Variants in DLL1 observed in about 807,000 individuals in gnomAD.
DLL1 encodes delta-like protein 1.
In DLL1, 9 loss-of-function variants were observed where a neutral mutation model predicts 75.1. The observed-to-expected ratio is 0.12, with a 90% confidence interval of 0.07 to 0.21. The LOEUF (loss-of-function observed/expected upper bound fraction) is 0.21. DLL1 is among the 10% of genes least tolerant of loss of function. DLL1 has a pLI of 1.00. For synonymous variants in DLL1, 477 were observed against 418.3 expected, an observed-to-expected ratio of 1.14 and a Z score of -1.71; for missense variants, 837 against 1,007.6, an observed-to-expected ratio of 0.83 and a Z score of 2.29.
Position 170,283,336 on chromosome 6 carries a change from T to A in DLL1, c.1943A>T (p.Lys648Met), listed in dbSNP as rs1436745182. 6.2e-7 allele frequency: 1 copy of A among 1,613,030 alleles called. No homozygotes were observed. The change falls in exon 9 of 11, where the codon AAG becomes ATG. Residue 648 changes from lysine (K) to methionine (M), a missense_variant. Coordinates refer to ENST00000366756, the MANE Select transcript of DLL1 (RefSeq NM_005618.4). ...GTCCCTGACGGCGGTGTCGTCACCC[T>A]TGAGGTCCTGCACGAGGTTATAGTC... ...AVDYNLVQDL[K>M]GDDTAVRDAH... is the part of the protein sequence containing the mutation.
chr6:170,288,578 A>C, intron 3 of DLL1, 82 bp from the exon 4 acceptor site: 1 of 1,613,030 alleles, frequency 6.2e-7, no homozygotes, highest in East Asian at 2.2e-5. Flanking sequence ...CGAGACATTC[A>C]GCACGGGAAG....
rs1783837006 is a variant in DLL1, at chr6:170,290,512, GAGAA to G, written c.-377_-374del. On this transcript the variant is annotated 5_prime_UTR_variant, in exon 1 of 11. Coordinates refer to ENST00000366756, the MANE Select transcript of DLL1 (RefSeq NM_005618.4). This position sits in a 1 kb window ranked among gnomAD's most constrained non-coding sequence, Gnocchi z 4.7. Reference sequence around the variant, plus strand: ...TTCGCAGGAGAGGGAGGGGGAGAAAGAGAAAGAGAGAGAGTCCAGAGATTGAGCT... The same window carrying G: ...TTCGCAGGAGAGGGAGGGGGAGAAAGAGAGAGAGAGTCCAGAGATTGAGCT... 3.7e-6 allele frequency: 1 copy of G among 270,270 alleles called. No individual in the cohort carries two copies. The highest frequency in any genetic ancestry group is 5.6e-5 in the Admixed American group (1 of 18,004). 16.7% of individuals were successfully genotyped at this position (270,270 alleles called of 1,614,324 possible).
At chr6:170,289,038 T>A (rs1321318893) in intron 2 of DLL1, 1 of 608,062 alleles carries the variant, frequency 1.6e-6, no homozygotes, top group East Asian at 2.8e-5. Context: ...TATTACGTTG[T>A]TTTTTTAATT....
chr6:170,289,905 T>G, intron 1 of DLL1, 97 bp from the exon 2 acceptor site: 6 of 1,377,856 alleles, frequency 4.4e-6, no homozygotes, highest in Non-Finnish European at 4.8e-6. Flanking sequence ...CTGGAAGGGC[T>G]CAGGGGCCGA....
intron 10 of DLL1, 36 bp downstream of exon 10, chr6:170,282,952 G>C (rs778908045): frequency 6.2e-7 from 1 of 1,614,078 alleles, no homozygotes; most frequent in South Asian, 1.1e-5. Context: ...GTGCTCCCAT[G>C]CCGAGGAGGA....
At chr6:170,284,834 G>A in intron 8 of DLL1, 85 bp downstream of exon 8, 2 of 1,330,894 alleles carry the variant, frequency 1.5e-6, no homozygotes, top group Non-Finnish European at 2.2e-6. Flanking sequence ...TAAACTCGAG[G>A]TCACTCACAA....
chr6:170,283,328 C>T lies in DLL1; in HGVS notation c.1951G>A (p.Asp651Asn), dbSNP rs767441798. Residue 651 changes from aspartate (D) to asparagine (N), a missense_variant, in exon 9 of 11, where the codon GAC (aspartate) becomes AAC (asparagine). Asp to Asn is a conservative substitution (Grantham distance 23, BLOSUM62 1). Coordinates refer to ENST00000366756, the MANE Select transcript of DLL1 (RefSeq NM_005618.4). ...YNLVQDLKGDDTAVRDAHSKR... is the reference protein window; with the variant it reads ...YNLVQDLKGDNTAVRDAHSKR... ...CTGTGCGCGTCCCTGACGGCGGTGT[C>T]GTCACCCTTGAGGTCCTGCACGAGG... The T allele has an allele frequency of 6.8e-6, 11 of 1,612,916 alleles. No individual in the cohort carries two copies. The highest frequency in any genetic ancestry group is 4.0e-5 in the African/African-American group (3 of 74,932).
chr6:170,283,869 C>T lies in DLL1; in HGVS notation c.1410G>A (p.Pro470=), dbSNP rs529134000. 13 of 1,605,964 alleles carry T rather than the reference C, an allele frequency of 8.1e-6. No individual in the cohort carries two copies. In the East Asian group the frequency reaches 1.3e-4, roughly 17 times the overall value. Residue 470 remains proline (P), a synonymous_variant, in exon 9 of 11, where the codon CCG becomes CCA. Transcript: ENST00000366756. ...DGVNDFSCTC[P]PGYTGRNCSA... ...TGCAGTTCCTGCCCGTGTAGCCAGG[C>T]GGGCAGGTGCAGGAGAAGTCGTTCA...
chr6:170,289,283 C>G, intron 2 of DLL1: 1 of 160,826 alleles, frequency 6.2e-6, no homozygotes, highest in South Asian at 5.4e-5. Context: ...CTCGGCCTCT[C>G]CTCCTCGCCC....
intron 4 of DLL1, 156 bp downstream of exon 4, chr6:170,288,083 G>C: frequency 8.8e-7 from 1 of 1,139,432 alleles, no homozygotes; most frequent in Non-Finnish European, 1.3e-6. Flanking sequence ...CTGACGAGCT[G>C]TGACTTATAG....
In DLL1 at chr6:170,283,443, G is replaced by C. The variant is rs748525775; in HGVS notation, c.1836C>G (p.Ile612Met). 6 of 1,612,124 alleles carry C rather than the reference G, an allele frequency of 3.7e-6. No individual in the cohort carries two copies. The highest frequency in any genetic ancestry group is 4.2e-6 in the Non-Finnish European group (5 of 1,180,034). The part of the protein sequence containing the change: ...ISVSIIGATQ[I>M]KNTNKKADFH... ...AGTCCGCCTTCTTGTTGGTGTTCTT[G>C]ATCTGCGTGGCCCCGATGATGCTGA... The change falls in exon 9 of 11, where the codon ATC becomes ATG. Residue 612 changes from isoleucine to methionine, a missense_variant. Ile to Met is a conservative substitution (Grantham distance 10). Transcript: ENST00000366756.
chr6:170,285,685 C>A lies in DLL1; in HGVS notation c.746G>T (p.Trp249Leu). The A allele has an allele frequency of 6.2e-7, 1 of 1,614,150 alleles. No individual in the cohort carries two copies. Among genetic ancestry groups the A allele is most frequent in the Non-Finnish European group, 8.5e-7 (1 of 1,180,046 alleles). ...KPGECKCRVG[W>L]QGRYCDECIR... The stretch of plus-strand genomic sequence containing the variant: ...ACACTCGTCACAGTACCGGCCCTGC[C>A]AGCCCACTCTGCACCTTGGAGAAAA... Residue 249 changes from tryptophan to leucine, a missense_variant, in exon 6 of 11, where the codon TGG becomes TTG. Physicochemically the swap from Trp to Leu is moderately conservative, Grantham distance 61 (BLOSUM62 -2). Transcript: ENST00000366756.
At chr6:170,286,528 G>A (rs868854184) in intron 4 of DLL1, among the ~76,000 whole-genome samples, 1 of 152,106 alleles carries the variant, frequency 6.6e-6, no homozygotes, top group Non-Finnish European at 1.5e-5. Flanking sequence ...AAGGGCTCTC[G>A]GAAGCCCCCA....
chr6:170,289,288 TC>T, intron 2 of DLL1: 1 of 679,620 alleles, frequency 1.5e-6, no homozygotes, highest in Non-Finnish European at 2.5e-6. Flanking sequence ...CCTCTCCTCC[TC>T]GCCCCAGCGC....
chr6:170,286,221 A>G lies in DLL1; in HGVS notation c.731+17T>C, dbSNP rs763148200. 4.4e-5 allele frequency: 71 copies of G among 1,614,118 alleles called. No individual in the cohort carries two copies. In the Middle Eastern group the frequency reaches 4.9e-4, roughly 11 times the overall value. Reference sequence around the variant, plus strand: ...AGAAAAGGCAACAAAACAAAACACCACCTTGTGCAGACTTACTTGCATTCC... The same window carrying G: ...AGAAAAGGCAACAAAACAAAACACCGCCTTGTGCAGACTTACTTGCATTCC... On this transcript the variant is annotated intron_variant, in intron 5 of 10. Coordinates refer to ENST00000366756, the MANE Select transcript of DLL1 (RefSeq NM_005618.4).
chr6:170,289,599 G>C lies in DLL1; in HGVS notation c.264C>G (p.Gly88=). 1 of 1,536,094 alleles carries C rather than the reference G, an allele frequency of 6.5e-7. No homozygotes were observed. The highest frequency in any genetic ancestry group is 8.7e-7 in the Non-Finnish European group (1 of 1,146,476). Residue 88 remains glycine, a synonymous_variant, in exon 2 of 11, where the codon GGC becomes GGG. Coordinates refer to ENST00000366756, the MANE Select transcript of DLL1 (RefSeq NM_005618.4). ...TYGSAVTPVL[G]VDSFSLPDGG... ...CGTCGGGCAGACTGAAGGAGTCGACGCCCAGCACGGGGGTGACGGCGCTGC... is the reference window on the plus strand; with the variant it reads ...CGTCGGGCAGACTGAAGGAGTCGACCCCCAGCACGGGGGTGACGGCGCTGC...
In DLL1 at chr6:170,283,030, G is replaced by A. The variant is rs150208957; in HGVS notation, c.2124C>T (p.Tyr708=). The A allele has an allele frequency of 9.2e-5, 149 of 1,614,114 alleles. No homozygotes were observed. Among genetic ancestry groups the A allele is most frequent in the South Asian group, 1.9e-4 (17 of 91,090 alleles). ...ACTCATCCTTCTCCTCGGATATGAC[G>A]TACACCGACTGGTACTTGGTGTCTT... is the stretch of plus-strand genomic sequence containing the variant. ...TSKDTKYQSV[Y]VISEEKDECV... is the part of the protein sequence containing the mutation. The change falls in exon 10 of 11, where the codon TAC becomes TAT. Residue 708 remains tyrosine, a synonymous_variant. Transcript: ENST00000366756.
Position 170,288,512 on chromosome 6 carries a change from G to C in DLL1, c.413-16C>G, listed in dbSNP as rs1233372248. The C allele has an allele frequency of 1.2e-6, 2 of 1,614,118 alleles. No individual in the cohort carries two copies. Among genetic ancestry groups the C allele is most frequent in the South Asian group, 2.2e-5 (2 of 91,078 alleles). ...TCTGGGTTTTCTACGGGGAGAAGAT[G>C]CTCCTGGTTGGTTCTGAACGAGAAC... is the stretch of plus-strand genomic sequence containing the variant. On this transcript the variant is annotated splice_polypyrimidine_tract_variant and intron_variant, in intron 3 of 10. Transcript: ENST00000366756.
At chr6:170,287,742 C>T (rs535206098) in intron 4 of DLL1, among the ~76,000 whole-genome samples, 53 of 152,324 alleles carry the variant, frequency 3.5e-4, no homozygotes, top group Non-Finnish European at 8.8e-5. Flanking sequence ...ATAGACAGTG[C>T]GTGTCACAGG....
Sources: gnomAD v4.1 joint callset for allele counts (sites outside exome capture counted in the v4.1 genomes callset) on GRCh38, gnomAD v4.1.1 for gene constraint, Gnocchi (gnomAD v3.1) non-coding constraint, MANE v1.5 for transcripts, NCBI Gene and HGNC (gene_info 2026-07-23, HGNC 2026-07-21) for gene names.